The following TRIM16 variants were observed in gnomAD, a reference collection of about 807,000 sequenced individuals.
TRIM16 encodes tripartite motif-containing protein 16.
In TRIM16, 33 loss-of-function variants were observed where a neutral mutation model predicts 50.4. That is an observed-to-expected ratio of 0.65 (90% CI 0.50 to 0.88). The LOEUF is 0.88. TRIM16 is among the 40% of genes least tolerant of loss of function. TRIM16 has a pLI of 0.00. For missense variants in TRIM16, 581 were observed against 686.8 expected (o/e 0.85, Z 1.72); for synonymous variants, 229 against 270.7 (o/e 0.85, Z 1.51).
intron 6 of TRIM16, among the ~76,000 whole-genome samples, chr17:15,671,724 T>A (rs1344249377): frequency 6.6e-6 from 1 of 152,172 alleles, no homozygotes; most frequent in East Asian, 1.9e-4. Flanking sequence ...TGATCCCTGA[T>A]GATGTTAAGA....
intron 7 of TRIM16, among the ~76,000 whole-genome samples, chr17:15,647,070 G>A (rs192701518): frequency 6.3e-4 from 96 of 151,528 alleles, no homozygotes; most frequent in African/African-American, 2.2e-3. Flanking sequence ...AGGTTCAAGC[G>A]ATTCTCCTGC....
chr17:15,683,339 C>T, intron 1 of TRIM16, 182 bp from the exon 2 acceptor site: 1 of 524,346 alleles, frequency 1.9e-6, no homozygotes, highest in Non-Finnish European at 3.4e-6. Flanking sequence ...GTCTCAGTAC[C>T]TTTATACCAC....
chr17:15,658,097 G>A (rs576089004), intron 6 of TRIM16, among the ~76,000 whole-genome samples: 2 of 152,198 alleles, frequency 1.3e-5, no homozygotes, highest in Non-Finnish European at 2.9e-5. Flanking sequence ...ACCAAGATAT[G>A]TGGTAGGCAA....
At chr17:15,637,347 G>A (rs1235231061) in intron 8 of TRIM16, among the ~76,000 whole-genome samples, 4 of 115,170 alleles carry the variant, frequency 3.5e-5, no homozygotes, top group Non-Finnish European at 5.3e-5. Flanking sequence ...GAGGGAGATG[G>A]GGGGGTCAGC....
At chr17:15,633,317 T>C (rs1022764917) in intron 9 of TRIM16, among the ~76,000 whole-genome samples, 1 of 150,854 alleles carries the variant, frequency 6.6e-6, no homozygotes, top group Non-Finnish European at 1.5e-5. Flanking sequence ...AACAGTTGTA[T>C]GAAAATGATT....
chr17:15,647,816 TACACAC>T lies in TRIM16; in HGVS notation c.519+3269_519+3274del, dbSNP rs558765410. On this transcript the variant is annotated intron_variant, in intron 7 of 11. Transcript: ENST00000649191. ...AGTCATAGAAGGAGTCCAGATTTCA[TACACAC>T]ACACACACACACACACACACACACA... Among the ~76,000 whole-genome samples, 330 of 139,212 alleles carry T rather than the reference TACACAC, an allele frequency of 2.4e-3. 1 individual carries two copies. Among genetic ancestry groups the T allele is most frequent in the African/African-American group, 8.5e-3 (308 of 36,240 alleles). 91.3% of individuals were successfully genotyped at this position (139,212 alleles called of 152,430 possible). A position where few individuals can be genotyped will look rare whatever the true frequency, so the allele number is the denominator to read the frequency against.
chr17:15,640,092 T>A (rs1470702259), intron 8 of TRIM16, among the ~76,000 whole-genome samples: 1 of 149,370 alleles, frequency 6.7e-6, no homozygotes, highest in Non-Finnish European at 1.5e-5. Flanking sequence ...ATGGACTGAT[T>A]TGCCCAAGAT....
At chr17:15,639,695 A>G (rs957379894) in intron 8 of TRIM16, among the ~76,000 whole-genome samples, 1 of 149,814 alleles carries the variant, frequency 6.7e-6, no homozygotes, top group Non-Finnish European at 1.5e-5. Flanking sequence ...TGGGGACAAT[A>G]GTAGAGAAGG....
chr17:15,667,070 A>G (rs1215140748), intron 6 of TRIM16, among the ~76,000 whole-genome samples: 1 of 152,150 alleles, frequency 6.6e-6, no homozygotes, highest in African/African-American at 2.4e-5. Flanking sequence ...TTCATCTTAC[A>G]TAAACTCCAG....
chr17:15,653,952 T>C (rs1353003706), intron 6 of TRIM16, among the ~76,000 whole-genome samples: 2 of 152,146 alleles, frequency 1.3e-5, no homozygotes. Flanking sequence ...TTTAATCAGA[T>C]ACATTTGAAC....
At chr17:15,679,930 A>G (rs1344282722) in intron 4 of TRIM16, among the ~76,000 whole-genome samples, 3 of 115,726 alleles carry the variant, frequency 2.6e-5, no homozygotes, top group African/African-American at 1.1e-4. Flanking sequence ...GAGCGAGACT[A>G]TGTCTCAAAA....
intron 7 of TRIM16, among the ~76,000 whole-genome samples, chr17:15,647,111 C>T (rs184261190): frequency 1.3e-5 from 2 of 151,640 alleles, no homozygotes; most frequent in African/African-American, 2.4e-5. Flanking sequence ...GGATTATAGG[C>T]GCCTGCTACT....
intron 6 of TRIM16, among the ~76,000 whole-genome samples, chr17:15,669,845 A>AT (rs894313356): frequency 3.1e-4 from 47 of 152,272 alleles, no homozygotes; most frequent in African/African-American, 9.6e-4. Flanking sequence ...TGTCCCGTGC[A>AT]TTGTAGGATG....
At chr17:15,673,656 T>G (rs2601975) in intron 6 of TRIM16, among the ~76,000 whole-genome samples, 1,100 of 112,962 alleles carry the variant, frequency 9.7e-3, no homozygotes, top group Admixed American at 0.012. Flanking sequence ...CCAAAAAAGT[T>G]ACTCTAACAT....
chr17:15,680,733 T>C (rs1989150833), intron 4 of TRIM16, 132 bp downstream of exon 4: 1 of 963,710 alleles, frequency 1.0e-6, no homozygotes, highest in African/African-American at 1.7e-5. Flanking sequence ...GTGGCTAATG[T>C]GGTTGACAAG....
chr17:15,670,696 G>GT (rs201605317), intron 6 of TRIM16, among the ~76,000 whole-genome samples: 3,398 of 152,230 alleles, frequency 0.022, 61 homozygotes, highest in African/African-American at 0.077. Flanking sequence ...CTATACAATT[G>GT]TAAGTATTTT....
At chr17:15,676,431 C>CTTTTTTTTTTT (rs57392285) in intron 6 of TRIM16, among the ~76,000 whole-genome samples, 1 of 125,732 alleles carries the variant, frequency 8.0e-6, no homozygotes, top group African/African-American at 3.1e-5. Context: ...AGAATTTTTT[C>CTTTTTTTTTTT]TTTTTTTTTT....
chr17:15,639,245 T>C (rs1987007179), intron 8 of TRIM16, among the ~76,000 whole-genome samples: 1 of 145,142 alleles, frequency 6.9e-6, no homozygotes, highest in African/African-American at 2.6e-5. Context: ...AGGAGCTTAC[T>C]ACGTTGCCCA....
chr17:15,629,133 G>A lies in TRIM16; in HGVS notation c.1177C>T (p.Arg393Cys), dbSNP rs777577780. 21 of 1,613,074 alleles carry A rather than the reference G, an allele frequency of 1.3e-5. No individual in the cohort carries two copies. Among genetic ancestry groups the A allele is most frequent in the South Asian group, 1.1e-4 (10 of 90,956 alleles). ...CAGGGCGTGGTGTTGGTGACCTTGC[G>A]GTTCTCCTCCTGCAGCCGGAGATAC... The part of the protein sequence containing the change: ...HKYLRLQEEN[R>C]KVTNTTPWEH... The change falls in exon 12 of 12, where the codon CGC (arginine) becomes TGC (cysteine). Residue 393 changes from arginine (R) to cysteine (C), a missense_variant. This residue lies in a region of TRIM16 where 450 missense variants were observed against 544.3 expected (regional missense o/e 0.83). Transcript: ENST00000649191.
Sources: gnomAD v4.1 joint callset for allele counts (sites outside exome capture counted in the v4.1 genomes callset) on GRCh38, gnomAD v4.1.1 for gene constraint, gnomAD v4.1.1 regional missense constraint, MANE v1.5 for transcripts, NCBI Gene and HGNC (gene_info 2026-07-23, HGNC 2026-07-21) for gene names.